The following IL1RAPL2 variants were observed in gnomAD, a reference collection of about 807,000 sequenced individuals.
IL1RAPL2 encodes the protein interleukin 1 receptor accessory protein like 2, also known as X-linked interleukin-1 receptor accessory protein-like 2.
IL1RAPL2 carries 3 observed loss-of-function variants against 44.1 expected under a neutral mutation model. The observed-to-expected ratio is 0.07, with a 90% CI of 0.03 to 0.18. The LOEUF is 0.18. Ranked by LOEUF, IL1RAPL2 falls within the 10% of genes least tolerant of loss-of-function variation. IL1RAPL2 has a pLI of 1.00. For missense variants in IL1RAPL2, 391 were observed against 496.4 expected (o/e 0.79, Z 2.02); for synonymous variants, 181 against 178.8 (o/e 1.01, Z -0.10).
intron 1 of IL1RAPL2, among the ~76,000 whole-genome samples, chrX:104,595,420 G>T (rs1389434332): frequency 1.8e-5 from 2 of 111,272 alleles, no homozygotes; most frequent in Non-Finnish European, 3.8e-5. Flanking sequence ...GATGGTGGTA[G>T]TGGTGGTGAT....
chrX:104,625,036 T>A (rs1385289182), intron 1 of IL1RAPL2, among the ~76,000 whole-genome samples: 1 of 112,180 alleles, frequency 8.9e-6, no homozygotes, highest in African/African-American at 3.2e-5. Flanking sequence ...ATTACTCTTG[T>A]GTTTAAAATC....
intron 2 of IL1RAPL2, among the ~76,000 whole-genome samples, chrX:105,164,870 T>G (rs1357796739): frequency 8.9e-6 from 1 of 112,304 alleles, no homozygotes; most frequent in African/African-American, 3.2e-5. Context: ...ACACGTCATT[T>G]TAAATCACTT....
At chrX:105,403,268 T>C (rs1255766336) in intron 5 of IL1RAPL2, among the ~76,000 whole-genome samples, 2 of 112,024 alleles carry the variant, frequency 1.8e-5, no homozygotes, top group African/African-American at 3.2e-5. Flanking sequence ...GGAAGATACA[T>C]TTTTGTTTCC....
intron 2 of IL1RAPL2, among the ~76,000 whole-genome samples, chrX:104,714,113 T>C (rs1462423314): frequency 9.0e-6 from 1 of 110,823 alleles, no homozygotes; most frequent in Non-Finnish European, 1.9e-5. Flanking sequence ...TTTATTTCTT[T>C]CTCTTGCCTG....
chrX:105,075,624 C>T (rs1453423183), intron 2 of IL1RAPL2, among the ~76,000 whole-genome samples: 4 of 111,992 alleles, frequency 3.6e-5, no homozygotes, highest in Non-Finnish European at 5.6e-5. Flanking sequence ...ATGGTACCAG[C>T]TCCTCCTTGT....
chrX:104,634,094 G>A (rs777442928), intron 1 of IL1RAPL2, among the ~76,000 whole-genome samples: 13 of 111,315 alleles, frequency 1.2e-4, no homozygotes, highest in African/African-American at 2.9e-4. Flanking sequence ...CCTTCATTTC[G>A]TTATGTAGCC....
chrX:104,766,892 G>A lies in IL1RAPL2; in HGVS notation c.82+107897G>A, dbSNP rs181087979. 2.1e-4 allele frequency among the ~76,000 whole-genome samples: 24 copies of A among 112,206 alleles called. No individual in the cohort carries two copies. The South Asian group carries it at 5.6e-3, about 26-fold the overall frequency. On this transcript the variant is annotated intron_variant, in intron 2 of 10. Coordinates refer to ENST00000372582, the MANE Select transcript of IL1RAPL2 (RefSeq NM_017416.2). ...TGAACAATCAACAGTCTCTCAGATGGCATTTAGCTGTCCCAGTTTACACAT... is the reference window on the plus strand; with the variant it reads ...TGAACAATCAACAGTCTCTCAGATGACATTTAGCTGTCCCAGTTTACACAT...
intron 2 of IL1RAPL2, among the ~76,000 whole-genome samples, chrX:104,779,727 G>C (rs1932760316): frequency 9.0e-6 from 1 of 111,501 alleles, no homozygotes; most frequent in Non-Finnish European, 1.9e-5. Flanking sequence ...GGAAAAATTA[G>C]GGACCAGGTC....
intron 2 of IL1RAPL2, among the ~76,000 whole-genome samples, chrX:104,661,626 G>T (rs1378617349): frequency 9.2e-6 from 1 of 108,559 alleles, no homozygotes; most frequent in Non-Finnish European, 1.9e-5. Flanking sequence ...ATTATTTTAT[G>T]TAGAAAATAT....
intron 5 of IL1RAPL2, among the ~76,000 whole-genome samples, chrX:105,374,172 C>T (rs2035367614): frequency 9.3e-6 from 1 of 107,104 alleles, no homozygotes; most frequent in Non-Finnish European, 1.9e-5. Flanking sequence ...TGTGTGGCCT[C>T]TATTCTGTTT....
intron 2 of IL1RAPL2, among the ~76,000 whole-genome samples, chrX:104,787,392 G>T (rs1467214983): frequency 9.0e-6 from 1 of 111,239 alleles, no homozygotes; most frequent in Non-Finnish European, 1.9e-5. Flanking sequence ...ACCTCTGGAG[G>T]TAATGGGCTA....
intron 1 of IL1RAPL2, among the ~76,000 whole-genome samples, chrX:104,625,294 C>A (rs1929481107): frequency 9.0e-6 from 1 of 110,865 alleles, no homozygotes; most frequent in Admixed American, 9.7e-5. Context: ...GCAATGCTTA[C>A]CCTTGGCCAA....
At chrX:105,675,829 A>AATT (rs2037866516) in intron 6 of IL1RAPL2, among the ~76,000 whole-genome samples, 1 of 111,499 alleles carries the variant, frequency 9.0e-6, no homozygotes, top group African/African-American at 3.3e-5. Context: ...TGATTGCTTT[A>AATT]ATTTTGGAAC....
intron 2 of IL1RAPL2, among the ~76,000 whole-genome samples, chrX:104,668,325 AT>A (rs201774658): frequency 0.038 from 4,110 of 108,694 alleles, 140 homozygotes; most frequent in African/African-American, 0.095. Context: ...TTTTATTTTT[AT>A]TTTTTTATTA....
At chrX:104,786,283 A>G (rs962896756) in intron 2 of IL1RAPL2, among the ~76,000 whole-genome samples, 9 of 111,703 alleles carry the variant, frequency 8.1e-5, no homozygotes, top group Non-Finnish European at 1.5e-4. Context: ...GAGGTACCTC[A>G]GTAAGCTACC....
At chrX:104,662,706 T>C (rs1318650914) in intron 2 of IL1RAPL2, among the ~76,000 whole-genome samples, 3 of 111,784 alleles carry the variant, frequency 2.7e-5, no homozygotes, top group Non-Finnish European at 5.6e-5. Flanking sequence ...CCTCAGAATA[T>C]ACATGAACTT....
intron 2 of IL1RAPL2, among the ~76,000 whole-genome samples, chrX:104,722,402 T>G (rs1931698535): frequency 8.9e-6 from 1 of 111,756 alleles, no homozygotes; most frequent in African/African-American, 3.2e-5. Flanking sequence ...AAACATGGGA[T>G]GGGCTGGATT....
chrX:104,571,288 GGTT>G (rs1317344417), intron 1 of IL1RAPL2, among the ~76,000 whole-genome samples: 2 of 111,855 alleles, frequency 1.8e-5, no homozygotes, highest in Non-Finnish European at 3.8e-5. Context: ...CTTAGTGAGT[GGTT>G]GTTAAGTCAT....
intron 2 of IL1RAPL2, among the ~76,000 whole-genome samples, chrX:104,793,342 TCAC>T: frequency 8.9e-6 from 1 of 112,128 alleles, no homozygotes; most frequent in Middle Eastern, 4.6e-3. Context: ...TCATTCCTCT[TCAC>T]CATTATATCA....
Sources: allele counts gnomAD v4.1 joint callset (sites outside exome capture counted in the v4.1 genomes callset), GRCh38; gene constraint gnomAD v4.1.1; transcripts MANE v1.5; gene names NCBI Gene and HGNC (gene_info 2026-07-23, HGNC 2026-07-21).